Variants in PLXDC2 observed in about 807,000 individuals in gnomAD.
PLXDC2 encodes the protein plexin domain-containing protein 2.
A neutral mutation model predicts 68.9 loss-of-function variants in PLXDC2; 40 were observed. The observed-to-expected ratio is 0.58, with a 90% CI of 0.45 to 0.76. PLXDC2 has a LOEUF of 0.76. Ranked by LOEUF, PLXDC2 falls within the 30% of genes least tolerant of loss-of-function variation. The pLI is 0.00. For synonymous variants in PLXDC2, 243 were observed against 234.2 expected (o/e 1.04, Z -0.34); for missense variants, 644 against 661.9 (o/e 0.97, Z 0.30).
intron 13 of PLXDC2, among the ~76,000 whole-genome samples, chr10:20,275,967 T>TC (rs1836002079): frequency 6.6e-6 from 1 of 151,386 alleles, no homozygotes; most frequent in African/African-American, 2.4e-5. Context: ...GTAGGTTTTT[T>TC]TGAAAAACAA....
Position 19,955,278 on chromosome 10 carries a change from C to G in PLXDC2, c.113-46497C>G, listed in dbSNP as rs577570967. On this transcript the variant is annotated intron_variant, in intron 1 of 13. Transcript: ENST00000377252. ...CAAACTCCTGGCCTCAAGGGATCCT[C>G]CTGCATAGCCTCCCAAACTGCTGAG... 3.3e-5 allele frequency among the ~76,000 whole-genome samples: 5 copies of G among 151,546 alleles called. No individual in the cohort carries two copies. In the South Asian group the frequency reaches 1.0e-3, roughly 32 times the overall value.
intron 9 of PLXDC2, among the ~76,000 whole-genome samples, chr10:20,199,153 G>A (rs1369068394): frequency 1.3e-5 from 2 of 151,964 alleles, no homozygotes; most frequent in Non-Finnish European, 2.9e-5. Context: ...ATCTATTAAT[G>A]CAATTAGTAG....
chr10:19,826,427 T>C lies in PLXDC2; in HGVS notation c.112+9236T>C, dbSNP rs548541445. On this transcript the variant is annotated intron_variant, in intron 1 of 13. Transcript: ENST00000377252. ...TGTGTCTTTGCACTTTTTTTCTTGG[T>C]GCTTGTTTGGAGCAGAAACAGGAGG... Among the ~76,000 whole-genome samples, 11 of 152,326 alleles carry C rather than the reference T, an allele frequency of 7.2e-5. No individual in the cohort carries two copies. The South Asian group carries it at 2.3e-3, about 32-fold the overall frequency.
At chr10:20,130,557 T>A (rs112871896) in intron 4 of PLXDC2, among the ~76,000 whole-genome samples, 4,477 of 152,202 alleles carry the variant, frequency 0.029, 95 homozygotes, top group South Asian at 0.073. Flanking sequence ...CAAGAATGAG[T>A]ATCCTTATCT....
intron 9 of PLXDC2, among the ~76,000 whole-genome samples, chr10:20,206,359 T>G (rs1252510260): frequency 6.6e-6 from 1 of 151,968 alleles, no homozygotes; most frequent in African/African-American, 2.4e-5. Context: ...GCACTTGGTG[T>G]TGGGGGGTCT....
chr10:19,906,240 G>T (rs1488032883), intron 1 of PLXDC2, among the ~76,000 whole-genome samples: 6 of 152,114 alleles, frequency 3.9e-5, no homozygotes, highest in African/African-American at 1.4e-4. Flanking sequence ...TTCAGGCACA[G>T]GGTGGCCAGT....
intron 1 of PLXDC2, among the ~76,000 whole-genome samples, chr10:19,863,555 T>C (rs1837357003): frequency 6.6e-6 from 1 of 152,216 alleles, no homozygotes; most frequent in Non-Finnish European, 1.5e-5. Flanking sequence ...CAGCACTTCC[T>C]CATGTGTAAG....
In PLXDC2 at chr10:19,900,723, G is replaced by A. The variant is rs767230829; in HGVS notation, c.112+83532G>A. Among the ~76,000 whole-genome samples, 30 of 151,886 alleles carry A rather than the reference G, an allele frequency of 2.0e-4. 1 individual carries two copies. Among genetic ancestry groups the A allele is most frequent in the Non-Finnish European group, 3.8e-4 (26 of 67,990 alleles). Reference sequence around the variant, plus strand: ...ACCCATCACCCAAGCAGTGTACATTGTACCCAATGTGTAGGTTTTTATCTC... The same window carrying A: ...ACCCATCACCCAAGCAGTGTACATTATACCCAATGTGTAGGTTTTTATCTC... On this transcript the variant is annotated intron_variant, in intron 1 of 13. Transcript: ENST00000377252.
chr10:19,861,325 G>A (rs776992675), intron 1 of PLXDC2, among the ~76,000 whole-genome samples: 2 of 151,962 alleles, frequency 1.3e-5, no homozygotes, highest in Non-Finnish European at 1.5e-5. Context: ...ATGAGCCACC[G>A]AGCCCAGCGT....
chr10:20,181,572 G>A (rs1479104100), intron 9 of PLXDC2, among the ~76,000 whole-genome samples: 1 of 152,040 alleles, frequency 6.6e-6, no homozygotes, highest in Non-Finnish European at 1.5e-5. Flanking sequence ...GGCAGCTACA[G>A]CGAAGTGAAA....
chr10:20,063,096 G>A (rs10827944), intron 3 of PLXDC2, among the ~76,000 whole-genome samples: 22,348 of 151,844 alleles, frequency 0.15, 1,928 homozygotes, highest in South Asian at 0.31. Context: ...CCCCTCAAAC[G>A]TAATTATTTG....
chr10:19,837,755 T>C (rs966893653), intron 1 of PLXDC2, among the ~76,000 whole-genome samples: 3 of 152,198 alleles, frequency 2.0e-5, no homozygotes, highest in African/African-American at 7.2e-5. Flanking sequence ...GTAACTGAAC[T>C]TGTTAGGTCA....
At chr10:20,209,183 C>T (rs191371100) in intron 9 of PLXDC2, among the ~76,000 whole-genome samples, 37 of 152,274 alleles carry the variant, frequency 2.4e-4, no homozygotes, top group African/African-American at 8.2e-4. Flanking sequence ...ATTTCCTCAT[C>T]CTAATAAGCC....
chr10:19,883,636 T>A (rs906699112), intron 1 of PLXDC2, among the ~76,000 whole-genome samples: 1 of 152,074 alleles, frequency 6.6e-6, no homozygotes, highest in Non-Finnish European at 1.5e-5. Flanking sequence ...GAATAGTGTC[T>A]CCTAGGATCA....
rs766922094 is a variant in PLXDC2, at chr10:19,934,740, T to C, written c.113-67035T>C. 2.6e-5 allele frequency among the ~76,000 whole-genome samples: 4 copies of C among 152,362 alleles called. No homozygotes were observed. The South Asian group carries it at 8.3e-4, about 32-fold the overall frequency. On this transcript the variant is annotated intron_variant, in intron 1 of 13. Transcript: ENST00000377252. ...TAGCAGTGCTTCCTATCCAATGCAGTGCCTAACTAGTTTGCGTTCTAGACT... is the reference window on the plus strand; with the variant it reads ...TAGCAGTGCTTCCTATCCAATGCAGCGCCTAACTAGTTTGCGTTCTAGACT...
intron 1 of PLXDC2, among the ~76,000 whole-genome samples, chr10:19,869,774 A>T (rs1837498532): frequency 6.6e-6 from 1 of 151,984 alleles, no homozygotes; most frequent in Non-Finnish European, 1.5e-5. Context: ...TTTGTTAGTT[A>T]TTATTATCTT....
intron 1 of PLXDC2, among the ~76,000 whole-genome samples, chr10:19,923,876 C>T (rs1027656122): frequency 1.3e-4 from 20 of 152,272 alleles, no homozygotes; most frequent in African/African-American, 4.8e-4. Flanking sequence ...CCAGCTTGGG[C>T]ATCATAGCGA....
chr10:19,930,040 A>ATT (rs59588282), intron 1 of PLXDC2, among the ~76,000 whole-genome samples: 4 of 150,254 alleles, frequency 2.7e-5, no homozygotes, highest in Admixed American at 1.3e-4. Flanking sequence ...TCATTTATTC[A>ATT]TTTTTTTTTC....
intron 1 of PLXDC2, among the ~76,000 whole-genome samples, chr10:19,878,951 A>G (rs1041457929): frequency 4.9e-4 from 74 of 152,202 alleles, no homozygotes; most frequent in Admixed American, 4.8e-3. Flanking sequence ...TTTCTCCTCC[A>G]CAAAGGTATA....
Sources: gnomAD v4.1 joint callset for allele counts (sites outside exome capture counted in the v4.1 genomes callset) on GRCh38, gnomAD v4.1.1 for gene constraint, MANE v1.5 for transcripts, NCBI Gene and HGNC (gene_info 2026-07-23, HGNC 2026-07-21) for gene names.